ST6GAL2: variants seen among roughly 807,000 people sequenced by gnomAD.
ST6GAL2 encodes beta-galactoside alpha-2,6-sialyltransferase 2.
ST6GAL2 carries 24 observed loss-of-function variants against 37.5 expected under a neutral mutation model. The ratio of observed to expected loss-of-function variants is 0.64; its 90% CI spans 0.46 to 0.90. The LOEUF is 0.90. ST6GAL2 is among the 40% of genes least tolerant of loss of function. The pLI, the probability that ST6GAL2 is intolerant of heterozygous loss-of-function variation, is 0.00. For synonymous variants in ST6GAL2, 306 were observed against 295.1 expected (o/e 1.04, Z -0.38); for missense variants, 715 against 712.7 (o/e 1.00, Z -0.04).
chr2:106,841,746 G>C (rs188378137), intron 2 of ST6GAL2, among the ~76,000 whole-genome samples: 87 of 152,290 alleles, frequency 5.7e-4, no homozygotes, highest in Non-Finnish European at 5.3e-4. Context: ...ATTCTGAGGA[G>C]AGCCAATGCA....
rs773493469 is a variant in ST6GAL2 at position 106,843,692 on chromosome 2, G to T, written c.286C>A (p.Leu96Met). The T allele has an allele frequency of 1.2e-6, 2 of 1,613,218 alleles. No individual in the cohort carries two copies. The highest frequency in any genetic ancestry group is 1.7e-6 in the Non-Finnish European group (2 of 1,180,016). ...AGSFHAGPGDLQKWAQSQDGF... is the reference protein window; with the variant it reads ...AGSFHAGPGDMQKWAQSQDGF... The stretch of plus-strand genomic sequence containing the variant: ...TCTTGGGACTGGGCCCATTTCTGCA[G>T]GTCTCCAGGCCCCGCATGAAAGGAA... Residue 96 changes from leucine (L) to methionine (M), a missense_variant, in exon 2 of 6, where the codon CTG (leucine) becomes ATG (methionine). By Grantham distance (15) the Leu-to-Met change is conservative. Around this residue, in one of 3 missense-constraint regions of ST6GAL2, gnomAD observed 512 missense variants for 488.8 expected, o/e 1.05. Transcript: ENST00000409382.
rs1375857317 is a variant in ST6GAL2 at position 106,806,757 on chromosome 2, T to A, written c.1511A>T (p.His504Leu). 6.2e-7 allele frequency: 1 copy of A among 1,614,078 alleles called. No homozygotes were observed. Among genetic ancestry groups the A allele is most frequent in the East Asian group, 2.2e-5 (1 of 44,878 alleles). ...GGGAAGAACCACCTTGCCCTTGCGA[T>A]GCAAATCCCCCTGCGTGCCCATGTT... The part of the protein sequence containing the change: ...RLNMGTQGDL[H>L]RKGKVVLPGF... Residue 504 changes from histidine (H) to leucine (L), a missense_variant, in exon 6 of 6, where the codon CAT becomes CTT. Around this residue, in one of 3 missense-constraint regions of ST6GAL2, gnomAD observed 198 missense variants for 203.6 expected, o/e 0.97. Transcript: ENST00000409382.
At chr2:106,871,413 G>A (rs1413142634) in intron 1 of ST6GAL2, among the ~76,000 whole-genome samples, 2 of 151,916 alleles carry the variant, frequency 1.3e-5, no homozygotes, top group African/African-American at 2.4e-5. Context: ...CAAAAAAAAT[G>A]GTTTTCTTTC....
rs750137574 is a variant in ST6GAL2, at chr2:106,834,045, T to G, written c.1041+4A>C. 1 of 1,605,636 alleles carries G rather than the reference T, an allele frequency of 6.2e-7. No individual in the cohort carries two copies. The highest frequency in any genetic ancestry group is 8.5e-7 in the Non-Finnish European group (1 of 1,172,852). On this transcript the variant is annotated splice_donor_region_variant and intron_variant, in intron 3 of 5. Transcript: ENST00000409382. ...CATCCATGAAAACACTCCATCTGTC[T>G]TACCTGCGAATTAATGATGCGTATG...
At chr2:106,854,030 T>C (rs1448521653) in intron 1 of ST6GAL2, among the ~76,000 whole-genome samples, 1 of 152,182 alleles carries the variant, frequency 6.6e-6, no homozygotes, top group Non-Finnish European at 1.5e-5. Flanking sequence ...TGATGGCTAA[T>C]ACTAAGAAGA....
At chr2:106,841,838 G>T (rs1196118496) in intron 2 of ST6GAL2, among the ~76,000 whole-genome samples, 1 of 152,182 alleles carries the variant, frequency 6.6e-6, no homozygotes, top group Non-Finnish European at 1.5e-5. Flanking sequence ...AATCAAAAAA[G>T]ATTAGAATTG....
chr2:106,824,433 C>T (rs1343634912), intron 5 of ST6GAL2, among the ~76,000 whole-genome samples: 2 of 152,110 alleles, frequency 1.3e-5, no homozygotes, highest in Non-Finnish European at 1.5e-5. Context: ...GAGATCGAGA[C>T]CATCCTGGCT....
At chr2:106,872,486 G>A (rs567448927) in intron 1 of ST6GAL2, among the ~76,000 whole-genome samples, 1 of 152,320 alleles carries the variant, frequency 6.6e-6, no homozygotes, top group Non-Finnish European at 1.5e-5. Flanking sequence ...TGGATGTGAG[G>A]ACATCCACAC....
At chr2:106,813,555 T>C (rs1036828811) in intron 5 of ST6GAL2, among the ~76,000 whole-genome samples, 3 of 152,236 alleles carry the variant, frequency 2.0e-5, no homozygotes, top group Non-Finnish European at 4.4e-5. Context: ...TGATGTGTTA[T>C]CAGAGTCTAG....
chr2:106,876,379 T>C (rs929834525), intron 1 of ST6GAL2, among the ~76,000 whole-genome samples: 1 of 152,210 alleles, frequency 6.6e-6, no homozygotes, highest in African/African-American at 2.4e-5. Flanking sequence ...TATAACAAAA[T>C]GAACTTCAGA....
At chr2:106,885,204 C>T (rs74955130) in intron 1 of ST6GAL2, among the ~76,000 whole-genome samples, 85 of 151,956 alleles carry the variant, frequency 5.6e-4, no homozygotes, top group Admixed American at 1.4e-3. Flanking sequence ...CGAGGAGGGT[C>T]AGCATGCCCC....
rs1675312825 is a variant in ST6GAL2 at position 106,803,173 on chromosome 2, T to A, written c.*3505A>T. 1 of 152,132 alleles carries A rather than the reference T, an allele frequency of 6.6e-6. No homozygotes were observed. The allele number at this position is 152,132 out of a possible 1,614,324, so 9.4% of individuals were successfully genotyped here. A position where few individuals can be genotyped will look rare whatever the true frequency, so the allele number is the denominator to read the frequency against. ...AAAACGCTAATGATTATTTTAGCATTTCTTTTTTTGCAGATGCTATGGCTA... is the reference window on the plus strand; with the variant it reads ...AAAACGCTAATGATTATTTTAGCATATCTTTTTTTGCAGATGCTATGGCTA... On this transcript the variant is annotated 3_prime_UTR_variant, in exon 6 of 6. Coordinates refer to ENST00000409382, the MANE Select transcript of ST6GAL2 (RefSeq NM_001142351.2).
At chr2:106,877,646 A>T (rs1430940745) in intron 1 of ST6GAL2, among the ~76,000 whole-genome samples, 1 of 152,252 alleles carries the variant, frequency 6.6e-6, no homozygotes, top group Non-Finnish European at 1.5e-5. Flanking sequence ...CCACATCTCT[A>T]TAAAAATATT....
intron 1 of ST6GAL2, among the ~76,000 whole-genome samples, chr2:106,881,741 C>T (rs1678760038): frequency 6.6e-6 from 1 of 152,154 alleles, no homozygotes; most frequent in South Asian, 2.1e-4. Flanking sequence ...TTTAATAAAG[C>T]ATTTTTCTCT....
chr2:106,813,151 C>A, intron 5 of ST6GAL2: 2 of 1,232,076 alleles, frequency 1.6e-6, no homozygotes, highest in South Asian at 3.1e-5. Context: ...CTCACTCTGT[C>A]GTCCAGGCTG....
chr2:106,821,234 ATATT>A (rs1675990985), intron 5 of ST6GAL2, among the ~76,000 whole-genome samples: 1 of 151,656 alleles, frequency 6.6e-6, no homozygotes, highest in Non-Finnish European at 1.5e-5. Context: ...AAATTGAAAA[ATATT>A]TAGCCAGATA....
chr2:106,826,718 G>T lies in ST6GAL2; in HGVS notation c.1318+3348C>A, dbSNP rs149975503. ...AGGTGGGGACAAATATCCAAACTAT[G>T]TCAGAGGGTTTAGAAATATAAGTAA... On this transcript the variant is annotated intron_variant, in intron 5 of 5. Coordinates refer to ENST00000409382, the MANE Select transcript of ST6GAL2 (RefSeq NM_001142351.2). Among the ~76,000 whole-genome samples, 35 of 152,268 alleles carry T rather than the reference G, an allele frequency of 2.3e-4. No individual in the cohort carries two copies. The East Asian group carries it at 6.8e-3, about 29-fold the overall frequency.
intron 1 of ST6GAL2, among the ~76,000 whole-genome samples, chr2:106,847,588 TG>T (rs1395911595): frequency 6.6e-6 from 1 of 152,116 alleles, no homozygotes; most frequent in Non-Finnish European, 1.5e-5. Context: ...ATCTGCTGCT[TG>T]CTAGCTCTGT....
chr2:106,813,284 C>G, intron 5 of ST6GAL2: 1 of 1,202,236 alleles, frequency 8.3e-7, no homozygotes, highest in East Asian at 3.2e-5. Context: ...AATTGTGACT[C>G]AAGAGGCATT....
Sources: gnomAD v4.1 joint callset for allele counts (sites outside exome capture counted in the v4.1 genomes callset) on GRCh38, gnomAD v4.1.1 for gene constraint, gnomAD v4.1.1 regional missense constraint, MANE v1.5 for transcripts, NCBI Gene and HGNC (gene_info 2026-07-23, HGNC 2026-07-21) for gene names.